The following STK10 variants were observed in gnomAD, a reference collection of about 807,000 sequenced individuals.
STK10 encodes the protein serine/threonine-protein kinase 10.
In STK10, 78 loss-of-function variants were observed where a neutral mutation model predicts 113.8. The observed-to-expected ratio is 0.69, with a 90% CI of 0.57 to 0.83. STK10 has a LOEUF of 0.83. Ranked by LOEUF, STK10 falls within the 40% of genes least tolerant of loss-of-function variation. STK10 has a pLI of 0.00. For synonymous variants in STK10, 465 were observed against 494.7 expected, an observed-to-expected ratio of 0.94 and a Z score of 0.80; for missense variants, 1,109 against 1,280.1, an observed-to-expected ratio of 0.87 and a Z score of 2.04.
At chr5:172,106,985 A>G in intron 5 of STK10, 171 bp from the exon 6 acceptor site, 1 of 607,136 alleles carries the variant, frequency 1.6e-6, no homozygotes, top group Non-Finnish European at 2.7e-6. Context: ...TCTTCCACAG[A>G]AAAACGCCTC....
At chr5:172,165,978 C>T (rs2339361) in intron 1 of STK10, among the ~76,000 whole-genome samples, 2 of 151,632 alleles carry the variant, frequency 1.3e-5, no homozygotes, top group African/African-American at 2.4e-5. Flanking sequence ...TTTTTAGTGG[C>T]GACGGGGTTT....
Position 172,076,765 on chromosome 5 carries a change from C to G in STK10, c.1989+5561G>C, listed in dbSNP as rs1768318174. 3.9e-5 allele frequency among the ~76,000 whole-genome samples: 6 copies of G among 152,332 alleles called. 1 individual carries two copies. ...TTGGAGATGCTATATAACCCTAGTT[C>G]AGCATCTGGCTGTGGTGTCTGCCAA... On this transcript the variant is annotated intron_variant, in intron 12 of 18. Transcript: ENST00000176763.
chr5:172,055,178 G>A (rs1581131922), intron 16 of STK10, among the ~76,000 whole-genome samples: 2 of 19,710 alleles, frequency 1.0e-4, no homozygotes, highest in African/African-American at 1.0e-3. Flanking sequence ...AAGACCTTAT[G>A]GCGGGTGGGT....
At chr5:172,090,510 A>G in intron 9 of STK10, 148 bp from the exon 10 acceptor site, 1 of 1,140,324 alleles carries the variant, frequency 8.8e-7, no homozygotes, top group Non-Finnish European at 1.2e-6. Context: ...TCTTGCCTCA[A>G]CTTAACCTAG....
Position 172,133,714 on chromosome 5 carries a change from G to A in STK10, c.322-6293C>T, listed in dbSNP as rs996931319. 5.3e-5 allele frequency among the ~76,000 whole-genome samples: 8 copies of A among 152,206 alleles called. No homozygotes were observed. Among genetic ancestry groups the A allele is most frequent in the Admixed American group, 2.0e-4 (3 of 15,278 alleles). ...AAGACAGAGAGAATCACAGGAAAAC[G>A]GAGAACAAGCCTGCTCCCTACTGAC... is the stretch of plus-strand genomic sequence containing the variant. On this transcript the variant is annotated intron_variant, in intron 2 of 18. Transcript: ENST00000176763. The surrounding 1 kb of genome is among the most constrained non-coding windows in gnomAD (Gnocchi z 4.9).
At chr5:172,110,263 C>T (rs1229367617) in intron 4 of STK10, among the ~76,000 whole-genome samples, 1 of 152,138 alleles carries the variant, frequency 6.6e-6, no homozygotes, top group Non-Finnish European at 1.5e-5. Flanking sequence ...GGGGGTGTGA[C>T]CTCGAGGGGA....
At chr5:172,124,782 C>T (rs982080377) in intron 3 of STK10, among the ~76,000 whole-genome samples, 2 of 152,148 alleles carry the variant, frequency 1.3e-5, no homozygotes, top group African/African-American at 4.8e-5. Flanking sequence ...GTGAGGTCAA[C>T]TCTTATGAAC....
At chr5:172,053,326 G>A (rs959388845) in intron 17 of STK10, 3 of 344,068 alleles carry the variant, frequency 8.7e-6, no homozygotes, top group Non-Finnish European at 1.6e-5. Flanking sequence ...GCAGCTGTCC[G>A]CAAGCCAGGA....
At chr5:172,162,860 T>C (rs1770498456) in intron 1 of STK10, among the ~76,000 whole-genome samples, 1 of 152,224 alleles carries the variant, frequency 6.6e-6, no homozygotes, top group South Asian at 2.1e-4. Context: ...GGGGACCATT[T>C]TCCAGGAGTG....
At position 172,187,961 on chromosome 5, in the gene STK10, G is replaced by A. The variant is rs780796886; in HGVS notation, c.82C>T (p.Arg28Cys). 1.2e-6 allele frequency: 2 copies of A among 1,613,630 alleles called. No individual in the cohort carries two copies. Among genetic ancestry groups the A allele is most frequent in the African/African-American group, 2.7e-5 (2 of 75,048 alleles). Reference sequence around the variant, plus strand: ...CACACCTCGTTGGGGTCCAGGTCGCGGCGGACGTGCTCATATTCGCGGGAC... The same window carrying A: ...CACACCTCGTTGGGGTCCAGGTCGCAGCGGACGTGCTCATATTCGCGGGAC... ...RKSREYEHVR[R>C]DLDPNEVWEI... Residue 28 changes from arginine to cysteine, a missense_variant, in exon 1 of 19, where the codon CGC becomes TGC. Coordinates refer to ENST00000176763, the MANE Select transcript of STK10 (RefSeq NM_005990.4). This position sits in a 1 kb window ranked among gnomAD's most constrained non-coding sequence, Gnocchi z 4.6.
intron 1 of STK10, among the ~76,000 whole-genome samples, chr5:172,171,278 T>G (rs1770660807): frequency 6.6e-6 from 1 of 152,206 alleles, no homozygotes; most frequent in African/African-American, 2.4e-5. Flanking sequence ...CTCTAACACT[T>G]CCCAGCTGTG....
intron 13 of STK10, among the ~76,000 whole-genome samples, chr5:172,063,264 A>G (rs1204722147): frequency 6.6e-6 from 1 of 151,962 alleles, no homozygotes; most frequent in African/African-American, 2.4e-5. Flanking sequence ...AAGAAAAAAA[A>G]AAAACTGGGA....
At chr5:172,096,944 C>T (rs537846393) in intron 7 of STK10, among the ~76,000 whole-genome samples, 1 of 152,336 alleles carries the variant, frequency 6.6e-6, no homozygotes, top group East Asian at 1.9e-4. Flanking sequence ...TGTCTATTTT[C>T]CTTTTTAAAA....
chr5:172,079,002 G>A (rs777218454), intron 12 of STK10, among the ~76,000 whole-genome samples: 3 of 151,836 alleles, frequency 2.0e-5, no homozygotes, highest in Admixed American at 1.3e-4. Flanking sequence ...GTGACAGGGC[G>A]CAGAGCCAAG....
At chr5:172,104,356 G>A (rs753712531) in intron 7 of STK10, among the ~76,000 whole-genome samples, 1 of 152,158 alleles carries the variant, frequency 6.6e-6, no homozygotes, top group African/African-American at 2.4e-5. Context: ...TGGACACACC[G>A]ACCTCACCCA....
At chr5:172,179,637 C>T (rs996328610) in intron 1 of STK10, among the ~76,000 whole-genome samples, 89 of 144,674 alleles carry the variant, frequency 6.2e-4, no homozygotes, top group Non-Finnish European at 1.2e-3. Flanking sequence ...GCGTCATCCA[C>T]GGGAAGTTCA....
intron 2 of STK10, among the ~76,000 whole-genome samples, chr5:172,141,090 T>C (rs1401262897): frequency 1.3e-5 from 2 of 152,252 alleles, no homozygotes; most frequent in African/African-American, 4.8e-5. Context: ...AAGAGTGGAA[T>C]GGTGGCTGCC....
At position 172,082,010 on chromosome 5, in the gene STK10, G is replaced by A. The variant is rs763593192; in HGVS notation, c.1989+316C>T. On this transcript the variant is annotated intron_variant, in intron 12 of 18. Transcript: ENST00000176763. This position sits in a 1 kb window ranked among gnomAD's most constrained non-coding sequence, Gnocchi z 4.3. Reference sequence around the variant, plus strand: ...TGGGAACAGCATCTCAAATTCCCCCGGACCACCAGCCCTTCCTTCTTCCCC... The same window carrying A: ...TGGGAACAGCATCTCAAATTCCCCCAGACCACCAGCCCTTCCTTCTTCCCC... Among the ~76,000 whole-genome samples, 6 of 152,064 alleles carry A rather than the reference G, an allele frequency of 3.9e-5. No homozygotes were observed. The highest frequency in any genetic ancestry group is 7.2e-5 in the African/African-American group (3 of 41,400).
intron 2 of STK10, among the ~76,000 whole-genome samples, chr5:172,143,434 C>T (rs35033423): frequency 0.08 from 12,231 of 152,242 alleles, 639 homozygotes; most frequent in South Asian, 0.15. Flanking sequence ...GGCATCAACA[C>T]GCAGTGACCA....
Sources: gnomAD v4.1 joint callset for allele counts (sites outside exome capture counted in the v4.1 genomes callset) on GRCh38, gnomAD v4.1.1 for gene constraint, Gnocchi (gnomAD v3.1) non-coding constraint, MANE v1.5 for transcripts, NCBI Gene and HGNC (gene_info 2026-07-23, HGNC 2026-07-21) for gene names.